Variants in PRDM7 observed in about 807,000 individuals in gnomAD.
PRDM7 encodes PR/SET domain 7, also known as histone-lysine N-methyltransferase PRDM7.
PRDM7 carries 52 observed loss-of-function variants against 64.3 expected under a neutral mutation model. The observed-to-expected ratio is 0.81, with a 90% confidence interval of 0.65 to 1.02. The LOEUF (loss-of-function observed/expected upper bound fraction) is 1.02. Among genes scored for constraint, PRDM7 ranks in the 50% least tolerant of loss-of-function variants. PRDM7 has a pLI of 0.00. For missense variants in PRDM7, 574 were observed against 597.1 expected (o/e 0.96, Z 0.40); for synonymous variants, 192 against 210.1 (o/e 0.91, Z 0.74).
chr16:90,074,765 G>C (rs2038010459), intron 4 of PRDM7, 151 bp downstream of exon 4: 1 of 736,862 alleles, frequency 1.4e-6, no homozygotes, highest in Non-Finnish European at 2.2e-6. Context: ...TGTAATCCCA[G>C]TTATTTGGGA....
intron 8 of PRDM7, 121 bp downstream of exon 8, chr16:90,061,800 A>C: frequency 6.8e-7 from 1 of 1,472,910 alleles, no homozygotes; most frequent in Non-Finnish European, 9.3e-7. Context: ...AAGACCCTTG[A>C]GTACACAGAG....
chr16:90,076,966 A>T (rs1267569050), intron 1 of PRDM7, among the ~76,000 whole-genome samples: 1 of 152,028 alleles, frequency 6.6e-6, no homozygotes, highest in Non-Finnish European at 1.5e-5. Context: ...GGGGTGCCTT[A>T]GGGTGAGGGA....
Position 90,062,153 on chromosome 16 carries a change from G to A in PRDM7, c.650C>T (p.Ala217Val). 2 of 1,614,262 alleles carry A rather than the reference G, an allele frequency of 1.2e-6. No homozygotes were observed. The highest frequency in any genetic ancestry group is 1.7e-6 in the Non-Finnish European group (2 of 1,180,038). ...TACAAATGTAGGGGGCCCATGAGCA[G>A]CACAGCTGTCAATGAAGAAGTTCTG... ...MCQNFFIDSC[A>V]AHGPPTFVKD... The change falls in exon 8 of 11, where the codon GCT (alanine) becomes GTT (valine). Residue 217 changes from alanine (A) to valine (V), a missense_variant. Transcript: ENST00000449207.
Position 90,062,569 on chromosome 16 carries a change from A to G in PRDM7, c.509-67T>C. On this transcript the variant is annotated intron_variant, in intron 6 of 10. Transcript: ENST00000449207. ...GGTGTTTGTCCTTGTTTCATAAGAA[A>G]ATGTGAAATCTCCTACCATCAAATT... The G allele has an allele frequency of 3.8e-6, 5 of 1,331,866 alleles. 1 individual carries two copies. In the South Asian group the frequency reaches 5.9e-5, roughly 16 times the overall value. The allele number at this position is 1,331,866 out of a possible 1,614,324, so 82.5% of individuals were successfully genotyped here.
chr16:90,073,842 G>T lies in PRDM7; in HGVS notation c.301+1074C>A, dbSNP rs113371459. 7.6e-3 allele frequency among the ~76,000 whole-genome samples: 1,150 copies of T among 151,722 alleles called. 16 individuals are homozygous for T. Among genetic ancestry groups the T allele is most frequent in the African/African-American group, 0.026 (1,066 of 41,304 alleles). ...CTGTTGCCCAGGCTGGAGGGTGGTG[G>T]CACGATTTCGGCTCACTGCCACCTC... On this transcript the variant is annotated intron_variant, in intron 4 of 10. Transcript: ENST00000449207.
intron 4 of PRDM7, among the ~76,000 whole-genome samples, chr16:90,072,128 T>G (rs948437670): frequency 6.6e-6 from 1 of 150,932 alleles, no homozygotes; most frequent in Non-Finnish European, 1.5e-5. Context: ...CTACTTGGGA[T>G]GCTGAGGCGG....
rs1168380964 is a variant in PRDM7 at position 90,075,653 on chromosome 16, T to G, written c.70-179A>C. On this transcript the variant is annotated intron_variant, in intron 2 of 10. Coordinates refer to ENST00000449207, the MANE Select transcript of PRDM7 (RefSeq NM_001098173.2). The surrounding 1 kb of genome is among the most constrained non-coding windows in gnomAD (Gnocchi z 4.3). ...ACTGAGCAGACACTGAGCATTTTCCTAGCTCTCTGCTGACACAGAGCAGTC... is the reference window on the plus strand; with the variant it reads ...ACTGAGCAGACACTGAGCATTTTCCGAGCTCTCTGCTGACACAGAGCAGTC... Among the ~76,000 whole-genome samples the G allele has an allele frequency of 6.6e-6, 1 of 152,198 alleles. No individual in the cohort carries two copies. Among genetic ancestry groups the G allele is most frequent in the Non-Finnish European group, 1.5e-5 (1 of 68,032 alleles).
At chr16:90,065,120 C>T (rs760014514) in intron 5 of PRDM7, among the ~76,000 whole-genome samples, 4 of 150,274 alleles carry the variant, frequency 2.7e-5, no homozygotes, top group African/African-American at 7.5e-5. Context: ...TAATTATTCT[C>T]GCCAGGCACA....
rs564093609 is a variant in PRDM7, at chr16:90,073,851, C to T, written c.301+1065G>A. ...AGGCTGGAGGGTGGTGGCACGATTT[C>T]GGCTCACTGCCACCTCCACCTCCTG... On this transcript the variant is annotated intron_variant, in intron 4 of 10. Transcript: ENST00000449207. 5.9e-5 allele frequency among the ~76,000 whole-genome samples: 9 copies of T among 151,706 alleles called. No homozygotes were observed. The East Asian group carries it at 9.8e-4, about 16-fold the overall frequency.
At chr16:90,062,338 T>C in intron 7 of PRDM7, 63 bp downstream of exon 7, 1 of 1,613,646 alleles carries the variant, frequency 6.2e-7, no homozygotes, top group South Asian at 1.1e-5. Context: ...GTGGGCCAAA[T>C]GATGAAATTA....
intron 9 of PRDM7, among the ~76,000 whole-genome samples, chr16:90,061,211 G>T (rs941740658): frequency 5.9e-5 from 9 of 152,222 alleles, no homozygotes; most frequent in African/African-American, 1.9e-4. Context: ...CCTTATCAAG[G>T]TTTATCTTGG....
At chr16:90,062,547 G>T (rs551182783) in intron 6 of PRDM7, 45 bp from the exon 7 acceptor site, 7 of 1,463,120 alleles carry the variant, frequency 4.8e-6, no homozygotes, top group Non-Finnish European at 4.8e-6. Context: ...AGTCTGGGGT[G>T]TTTGTCCTTG....
Position 90,062,076 on chromosome 16 carries a change from G to T in PRDM7, c.727C>A (p.Pro243Thr), listed in dbSNP as rs1222942389. 6 of 1,614,140 alleles carry T rather than the reference G, an allele frequency of 3.7e-6. No individual in the cohort carries two copies. The highest frequency in any genetic ancestry group is 5.1e-6 in the Non-Finnish European group (6 of 1,180,046). ...GHPNRSALSL[P>T]PGLRIGPSGI... The stretch of plus-strand genomic sequence containing the variant: ...GATGGCCCAATTCTCAGCCCCGGGG[G>T]CAGACTGAGGGCTGAACGGTTGGGA... Residue 243 changes from proline to threonine, a missense_variant, in exon 8 of 11, where the codon CCC becomes ACC. By Grantham distance (38) the Pro-to-Thr change is conservative. Coordinates refer to ENST00000449207, the MANE Select transcript of PRDM7 (RefSeq NM_001098173.2).
intron 5 of PRDM7, 43 bp from the exon 6 acceptor site, chr16:90,063,811 T>C: frequency 1.9e-6 from 3 of 1,606,240 alleles, no homozygotes; most frequent in South Asian, 1.1e-5. Context: ...CGTGCATTTA[T>C]TTAGTTCTTT....
At position 90,066,860 on chromosome 16, in the gene PRDM7, C is replaced by G. The variant is rs1180697315; in HGVS notation, c.351+1G>C. ...GTCAACAGGATTTGGGAGATACTTA[C>G]CTTCTGGTGTTTACTCTGTTCTCCT... is the stretch of plus-strand genomic sequence containing the variant. On this transcript the variant is annotated splice_donor_variant, in intron 5 of 10. Transcript: ENST00000449207. LOFTEE classifies it high-confidence loss of function. The G allele has an allele frequency of 6.3e-7, 1 of 1,587,552 alleles. No homozygotes were observed. Among genetic ancestry groups the G allele is most frequent in the Non-Finnish European group, 8.6e-7 (1 of 1,158,436 alleles).
chr16:90,073,811 C>A (rs1214734938), intron 4 of PRDM7, among the ~76,000 whole-genome samples: 2 of 151,746 alleles, frequency 1.3e-5, no homozygotes, highest in Admixed American at 6.6e-5. Context: ...ACGGAGTCTT[C>A]TCATTCTGTT....
chr16:90,076,865 C>T (rs553377960), intron 1 of PRDM7, among the ~76,000 whole-genome samples: 1 of 151,854 alleles, frequency 6.6e-6, no homozygotes, highest in South Asian at 2.1e-4. Context: ...TTGAAGCTGA[C>T]GGGGTTGAGT....
At chr16:90,072,139 G>C (rs1463803410) in intron 4 of PRDM7, among the ~76,000 whole-genome samples, 1 of 151,814 alleles carries the variant, frequency 6.6e-6, no homozygotes, top group Non-Finnish European at 1.5e-5. Context: ...GCTGAGGCGG[G>C]AGAATGGCGT....
At chr16:90,073,201 G>A (rs1261557523) in intron 4 of PRDM7, among the ~76,000 whole-genome samples, 18 of 152,110 alleles carry the variant, frequency 1.2e-4, no homozygotes, top group Admixed American at 1.2e-3. Context: ...GGATCATATA[G>A]TATGATGAAA....
Sources: gnomAD v4.1 joint callset for allele counts (sites outside exome capture counted in the v4.1 genomes callset) on GRCh38, gnomAD v4.1.1 for gene constraint, Gnocchi (gnomAD v3.1) non-coding constraint, MANE v1.5 for transcripts, NCBI Gene and HGNC (gene_info 2026-07-23, HGNC 2026-07-21) for gene names.